The following TMSB15B variants were observed in gnomAD, a reference collection of about 807,000 sequenced individuals.
The protein encoded by TMSB15B is thymosin beta 15B, also known as thymosin beta-15B.
intron 1 of TMSB15B, among the ~76,000 whole-genome samples, chrX:103,944,433 T>C (rs2075020092): frequency 8.9e-6 from 1 of 112,564 alleles, no homozygotes. Flanking sequence ...TCTTTGTTCT[T>C]AGTCATTGTG....
intron 1 of TMSB15B, among the ~76,000 whole-genome samples, chrX:103,938,300 G>T (rs1342685911): frequency 2.1e-4 from 24 of 111,875 alleles, no homozygotes; most frequent in African/African-American, 7.5e-4. Flanking sequence ...GGGAGTCTAA[G>T]TGTCTTTGTA....
intron 1 of TMSB15B, among the ~76,000 whole-genome samples, chrX:103,953,920 A>T (rs2075044993): frequency 9.0e-6 from 1 of 111,297 alleles, no homozygotes. Context: ...CCTCCAACAA[A>T]CTACAGCCAA....
At chrX:103,922,741 C>A (rs1280131317) in intron 1 of TMSB15B, among the ~76,000 whole-genome samples, 1 of 111,652 alleles carries the variant, frequency 9.0e-6, no homozygotes, top group Non-Finnish European at 1.9e-5. Context: ...ATGGCTGGGT[C>A]AAATGGTATT....
intron 1 of TMSB15B, among the ~76,000 whole-genome samples, chrX:103,938,675 G>A (rs1487370485): frequency 1.8e-5 from 2 of 112,022 alleles, no homozygotes; most frequent in Non-Finnish European, 3.8e-5. Context: ...ATATTGTTAT[G>A]TGTGAATTTG....
chrX:103,948,810 G>C (rs1438621462), intron 1 of TMSB15B, among the ~76,000 whole-genome samples: 1 of 112,290 alleles, frequency 8.9e-6, no homozygotes, highest in Non-Finnish European at 1.9e-5. Flanking sequence ...TGGGATCAGT[G>C]AACAAAGCAG....
intron 1 of TMSB15B, among the ~76,000 whole-genome samples, chrX:103,943,736 T>C (rs2075018236): frequency 8.9e-6 from 1 of 112,137 alleles, no homozygotes; most frequent in Non-Finnish European, 1.9e-5. Flanking sequence ...GTTTCCCAAA[T>C]GTGCCCTACA....
chrX:103,928,860 C>G (rs1191889246), intron 1 of TMSB15B: 16 of 1,202,909 alleles, frequency 1.3e-5, no homozygotes, highest in Non-Finnish European at 1.8e-5. Context: ...GGGCCTCTGC[C>G]CAGGATGTGT....
chrX:103,938,311 G>A (rs2075004013), intron 1 of TMSB15B, among the ~76,000 whole-genome samples: 1 of 111,640 alleles, frequency 9.0e-6, no homozygotes, highest in South Asian at 3.8e-4. Flanking sequence ...TGTCTTTGTA[G>A]GTCTCTAAGA....
intron 1 of TMSB15B, among the ~76,000 whole-genome samples, chrX:103,930,593 C>T (rs1330941092): frequency 1.8e-4 from 20 of 110,067 alleles, no homozygotes; most frequent in African/African-American, 5.0e-4. Flanking sequence ...GTGGTATAGC[C>T]TCCGGTTGCT....
At chrX:103,951,579 T>C (rs2075039323) in intron 1 of TMSB15B, among the ~76,000 whole-genome samples, 1 of 111,697 alleles carries the variant, frequency 9.0e-6, no homozygotes, top group Non-Finnish European at 1.9e-5. Flanking sequence ...AGATTAGTCA[T>C]GTGGTTGTGA....
At chrX:103,943,433 T>C (rs782319477) in intron 1 of TMSB15B, among the ~76,000 whole-genome samples, 18 of 112,414 alleles carry the variant, frequency 1.6e-4, no homozygotes, top group Middle Eastern at 4.6e-3. Flanking sequence ...TTCAAGAATA[T>C]ACACAAAGTA....
At chrX:103,939,534 T>C (rs1389483918) in intron 1 of TMSB15B, among the ~76,000 whole-genome samples, 1 of 110,571 alleles carries the variant, frequency 9.0e-6, no homozygotes, top group African/African-American at 3.3e-5. Context: ...TCTAAAGTGG[T>C]TTATTCTAGT....
At chrX:103,950,134 C>T (rs781978233) in intron 1 of TMSB15B, among the ~76,000 whole-genome samples, 1 of 111,081 alleles carries the variant, frequency 9.0e-6, no homozygotes, top group African/African-American at 3.3e-5. Flanking sequence ...TGGAGGTGGA[C>T]CCACAAATCA....
At chrX:103,945,909 A>C (rs2075024343) in intron 1 of TMSB15B, among the ~76,000 whole-genome samples, 1 of 112,406 alleles carries the variant, frequency 8.9e-6, no homozygotes, top group African/African-American at 3.2e-5. Flanking sequence ...TAGCTAACAG[A>C]TGTATAAACC....
intron 1 of TMSB15B, among the ~76,000 whole-genome samples, chrX:103,949,497 G>C (rs1269779104): frequency 1.8e-5 from 2 of 111,614 alleles, no homozygotes; most frequent in African/African-American, 3.3e-5. Context: ...TTTTGAAGTA[G>C]AGCCAAAACG....
chrX:103,925,369 G>A (rs1213223826), intron 1 of TMSB15B, among the ~76,000 whole-genome samples: 1 of 112,418 alleles, frequency 8.9e-6, no homozygotes, highest in Non-Finnish European at 1.9e-5. Context: ...AAAATGGAAA[G>A]GATTGGATTT....
intron 1 of TMSB15B, among the ~76,000 whole-genome samples, chrX:103,930,061 A>C (rs1471158895): frequency 2.7e-5 from 3 of 110,775 alleles, no homozygotes; most frequent in African/African-American, 9.8e-5. Context: ...GTATGACATA[A>C]AGATCAGAAA....
At chrX:103,943,091 T>G (rs1489481322) in intron 1 of TMSB15B, among the ~76,000 whole-genome samples, 1 of 111,765 alleles carries the variant, frequency 8.9e-6, no homozygotes, top group Non-Finnish European at 1.9e-5. Context: ...GGGACAACTC[T>G]GAGATAGAGT....
At chrX:103,930,224 CCCACACTATTCTTT>C (rs1556319682) in intron 1 of TMSB15B, among the ~76,000 whole-genome samples, 1 of 111,684 alleles carries the variant, frequency 9.0e-6, no homozygotes, top group Non-Finnish European at 1.9e-5. Context: ...CATACTTTGG[CCCACACTATTCTTT>C]CCACCTGCAG....
Sources: gnomAD v4.1 joint callset for allele counts (sites outside exome capture counted in the v4.1 genomes callset) on GRCh38, gnomAD v4.1.1 for gene constraint, MANE v1.5 for transcripts, NCBI Gene and HGNC (gene_info 2026-07-23, HGNC 2026-07-21) for gene names.